Variants in DMD observed in about 807,000 individuals in gnomAD.
DMD encodes the protein mutant dystrophin.
A neutral mutation model predicts 330.1 loss-of-function variants in DMD; 63 were observed. The ratio of observed to expected loss-of-function variants is 0.19; its 90% CI spans 0.16 to 0.24. The LOEUF (loss-of-function observed/expected upper bound fraction) is 0.24, where lower values mean the gene tolerates loss of function less well. Among genes scored for constraint, DMD ranks in the 10% least tolerant of loss-of-function variants. DMD has a pLI of 1.00. For missense variants in DMD, 3,344 were observed against 2,684.1 expected (o/e 1.25, Z -5.43); for synonymous variants, 1,223 against 959.8 (o/e 1.27, Z -5.07).
At chrX:31,967,922 C>CT (rs770352682) in intron 45 of DMD, among the ~76,000 whole-genome samples, 1 of 111,713 alleles carries the variant, frequency 9.0e-6, no homozygotes, top group African/African-American at 3.2e-5. Context: ...GACACTATCA[C>CT]TTTTTTTAGC....
intron 1 of DMD, among the ~76,000 whole-genome samples, chrX:33,163,553 T>C (rs1377223727): frequency 1.3e-5 from 1 of 75,395 alleles, no homozygotes; most frequent in Non-Finnish European, 2.4e-5. Context: ...TATATGTGTG[T>C]ATATATATAT....
At chrX:32,851,286 C>T (rs1194458413) in intron 2 of DMD, among the ~76,000 whole-genome samples, 1 of 111,903 alleles carries the variant, frequency 8.9e-6, no homozygotes, top group Non-Finnish European at 1.9e-5. Context: ...ATACCTGCGG[C>T]AACCAACCAG....
intron 32 of DMD, 35 bp downstream of exon 32, chrX:32,389,466 G>C (rs981236949): frequency 1.7e-6 from 2 of 1,194,521 alleles, no homozygotes; most frequent in Admixed American, 4.4e-5. Flanking sequence ...GGAAAGTCAA[G>C]GGGTACCTGC....
At chrX:31,559,639 T>TCAAAAAAAA (rs2075073477) in intron 55 of DMD, among the ~76,000 whole-genome samples, 1 of 37,513 alleles carries the variant, frequency 2.7e-5, no homozygotes, top group Non-Finnish European at 4.8e-5. Flanking sequence ...AAACTCCGTC[T>TCAAAAAAAA]CAAAAAAAAA....
intron 55 of DMD, among the ~76,000 whole-genome samples, chrX:31,576,947 C>A (rs978621382): frequency 9.1e-6 from 1 of 109,851 alleles, no homozygotes; most frequent in South Asian, 3.9e-4. Flanking sequence ...GATCTCCTGA[C>A]CTCGTGATCC....
chrX:32,984,324 G>A (rs775008694), intron 2 of DMD, among the ~76,000 whole-genome samples: 2 of 112,180 alleles, frequency 1.8e-5, no homozygotes, highest in Non-Finnish European at 3.8e-5. Flanking sequence ...GCGCCATCTC[G>A]GCTCACTGCA....
intron 73 of DMD, 151 bp downstream of exon 73, chrX:31,172,197 T>C (rs759306657): frequency 2.0e-6 from 1 of 501,047 alleles, no homozygotes; most frequent in East Asian, 3.7e-5. Flanking sequence ...GCCAGGGCAT[T>C]AAGAATTAAA....
intron 63 of DMD, among the ~76,000 whole-genome samples, chrX:31,256,237 A>C (rs948967261): frequency 1.6e-4 from 18 of 112,321 alleles, no homozygotes; most frequent in African/African-American, 5.8e-4. Flanking sequence ...ACTGATTTCC[A>C]GTTGCTTTTA....
At chrX:32,438,173 T>C (rs914900951) in intron 29 of DMD, 68 bp downstream of exon 29, 4 of 1,101,394 alleles carry the variant, frequency 3.6e-6, no homozygotes, top group Non-Finnish European at 5.0e-6. Flanking sequence ...TCATTTTATC[T>C]GAGAGGCCTG....
intron 41 of DMD, 28 bp from the exon 42 acceptor site, chrX:32,310,304 T>C (rs1163969479): frequency 1.7e-6 from 2 of 1,145,322 alleles, no homozygotes; most frequent in Non-Finnish European, 2.4e-6. Flanking sequence ...AAGAACAATT[T>C]TTTTTAGCTT....
intron 55 of DMD, among the ~76,000 whole-genome samples, chrX:31,511,325 T>C (rs1226114613): frequency 1.1e-5 from 1 of 89,084 alleles, no homozygotes; most frequent in Non-Finnish European, 2.1e-5. Context: ...TATTTATTTA[T>C]TTATTTATTT....
At chrX:32,436,587 T>A (rs933348963) in intron 29 of DMD, among the ~76,000 whole-genome samples, 1 of 111,422 alleles carries the variant, frequency 9.0e-6, no homozygotes, top group African/African-American at 3.3e-5. Flanking sequence ...TATAATTACA[T>A]TAATAGAGTT....
intron 63 of DMD, among the ~76,000 whole-genome samples, chrX:31,230,825 C>A (rs769670682): frequency 3.6e-5 from 4 of 111,909 alleles, no homozygotes; most frequent in African/African-American, 1.3e-4. Context: ...ATTTCTGGCT[C>A]CCTCCTCTTG....
At chrX:32,606,322 G>A (rs186252596) in intron 12 of DMD, among the ~76,000 whole-genome samples, 85 of 109,611 alleles carry the variant, frequency 7.8e-4, no homozygotes, top group African/African-American at 2.7e-3. Context: ...TTAACATAAC[G>A]ATCTCTAGTT....
At chrX:31,903,923 G>A (rs1249395418) in intron 47 of DMD, among the ~76,000 whole-genome samples, 1 of 111,035 alleles carries the variant, frequency 9.0e-6, no homozygotes, top group Non-Finnish European at 1.9e-5. Flanking sequence ...CAATACTTTT[G>A]AAAAAATAAT....
intron 44 of DMD, among the ~76,000 whole-genome samples, chrX:32,193,727 C>G (rs1169259724): frequency 8.9e-6 from 1 of 111,916 alleles, no homozygotes; most frequent in Non-Finnish European, 1.9e-5. Flanking sequence ...TTGTTCTAGT[C>G]TGTGATGGGG....
chrX:32,555,628 G>A (rs1305278536), intron 16 of DMD, among the ~76,000 whole-genome samples: 1 of 111,601 alleles, frequency 9.0e-6, no homozygotes, highest in Non-Finnish European at 1.9e-5. Context: ...TACAAGAACA[G>A]ACACATAGAC....
At chrX:32,520,160 T>C (rs149830978) in intron 17 of DMD, among the ~76,000 whole-genome samples, 3,730 of 111,821 alleles carry the variant, frequency 0.033, 136 homozygotes, top group African/African-American at 0.12. Context: ...TCATATATGA[T>C]TTTTATCTTT....
chrX:31,864,587 T>A (rs2093767455), intron 48 of DMD, among the ~76,000 whole-genome samples: 1 of 105,214 alleles, frequency 9.5e-6, no homozygotes, highest in African/African-American at 3.6e-5. Flanking sequence ...CCTCCTGGGT[T>A]CAAGCAATTC....
Sources: allele counts gnomAD v4.1 joint callset (sites outside exome capture counted in the v4.1 genomes callset), GRCh38; gene constraint gnomAD v4.1.1; transcripts MANE v1.5; gene names NCBI Gene and HGNC (gene_info 2026-07-23, HGNC 2026-07-21).